ANO2: variants seen among roughly 807,000 people sequenced by gnomAD.
ANO2 encodes anoctamin-2.
A neutral mutation model predicts 124.2 loss-of-function variants in ANO2; 101 were observed. The observed-to-expected ratio is 0.81, with a 90% CI of 0.69 to 0.96. The LOEUF is 0.96. Among genes scored for constraint, ANO2 ranks in the 40% least tolerant of loss-of-function variants. The probability of loss-of-function intolerance (pLI) is 0.00; values close to 1 mark genes in which losing one functional copy is unlikely to be tolerated. For missense variants in ANO2, 1,293 were observed against 1,274.5 expected, an observed-to-expected ratio of 1.01 and a Z score of -0.22; for synonymous variants, 486 against 482.5, an observed-to-expected ratio of 1.01 and a Z score of -0.09.
At chr12:5,701,117 G>A (rs1316259271) in intron 14 of ANO2, among the ~76,000 whole-genome samples, 16 of 105,958 alleles carry the variant, frequency 1.5e-4, no homozygotes, top group Non-Finnish European at 2.0e-4. Flanking sequence ...TTTTTGAGAC[G>A]AAGTCTCACT....
Position 5,697,901 on chromosome 12 carries a change from C to G in ANO2, c.1545+34619G>C, listed in dbSNP as rs191003134. On this transcript the variant is annotated intron_variant, in intron 14 of 24. Coordinates refer to ENST00000682330, the MANE Select transcript of ANO2 (RefSeq NM_001364791.2). ...ATTGAACTGCAAGGTGGCAGCAAGG[C>G]TGGGGGAGGGGCCCCCACCATTGCT... Among the ~76,000 whole-genome samples, 228 of 152,320 alleles carry G rather than the reference C, an allele frequency of 1.5e-3. 1 individual carries two copies. The highest frequency in any genetic ancestry group is 3.4e-3 in the Middle Eastern group (1 of 294).
In ANO2 at chr12:5,921,302, T is replaced by C. The variant is rs755436132; in HGVS notation, c.272A>G (p.His91Arg). ...GACCTTCCTCTGACTGTCATGGAAG[T>C]GCATGCGGCTAAGACGGGCCTCCAA... ...VSLEARLSRMHFHDSQRKVDY... is the reference protein window; with the variant it reads ...VSLEARLSRMRFHDSQRKVDY... Residue 91 changes from histidine to arginine, a missense_variant, in exon 3 of 25, where the codon CAC (histidine) becomes CGC (arginine). Physicochemically the swap from His to Arg is conservative, Grantham distance 29. Coordinates refer to ENST00000682330, the MANE Select transcript of ANO2 (RefSeq NM_001364791.2). 3 of 1,613,880 alleles carry C rather than the reference T, an allele frequency of 1.9e-6. No individual in the cohort carries two copies. The highest frequency in any genetic ancestry group is 2.5e-6 in the Non-Finnish European group (3 of 1,179,868).
chr12:5,926,598 C>T (rs1376572949), intron 1 of ANO2, among the ~76,000 whole-genome samples: 1 of 152,198 alleles, frequency 6.6e-6, no homozygotes, highest in African/African-American at 2.4e-5. Context: ...CACTCTTCAT[C>T]TAGTTGTGGG....
chr12:5,815,970 T>C (rs1176443714), intron 7 of ANO2, among the ~76,000 whole-genome samples: 2 of 152,118 alleles, frequency 1.3e-5, no homozygotes, highest in Admixed American at 6.6e-5. Flanking sequence ...TTCCAAGTTA[T>C]TACTATCTTT....
intron 16 of ANO2, among the ~76,000 whole-genome samples, chr12:5,629,482 T>C (rs1453366260): frequency 1.3e-5 from 2 of 152,208 alleles, no homozygotes; most frequent in Non-Finnish European, 1.5e-5. Flanking sequence ...GAAGCACACC[T>C]TGCACCAGTC....
chr12:5,827,920 G>A (rs1178924479), intron 6 of ANO2, 100 bp from the exon 7 acceptor site: 1 of 1,336,240 alleles, frequency 7.5e-7, no homozygotes, highest in Non-Finnish European at 1.0e-6. Flanking sequence ...GAGGCGCCCG[G>A]GCTCATTTGG....
intron 11 of ANO2, among the ~76,000 whole-genome samples, chr12:5,750,334 GT>G (rs1314068020): frequency 6.6e-6 from 1 of 152,146 alleles, no homozygotes. Flanking sequence ...CCTCCCTGCA[GT>G]TTCTGACTTC....
At chr12:5,849,992 CT>C (rs1954823674) in intron 4 of ANO2, among the ~76,000 whole-genome samples, 2 of 152,182 alleles carry the variant, frequency 1.3e-5, no homozygotes, top group Non-Finnish European at 2.9e-5. Flanking sequence ...ACCCCCACCC[CT>C]GGGATCAGAG....
At chr12:5,815,896 G>A (rs1304892666) in intron 7 of ANO2, among the ~76,000 whole-genome samples, 3 of 151,900 alleles carry the variant, frequency 2.0e-5, no homozygotes, top group Non-Finnish European at 4.4e-5. Context: ...TGTAAAAGTA[G>A]GCATTCAATA....
At position 5,578,491 on chromosome 12, in the gene ANO2, A is replaced by T; in HGVS notation, c.2261T>A (p.Phe754Tyr). The T allele has an allele frequency of 1.2e-6, 2 of 1,613,832 alleles. No individual in the cohort carries two copies. Among genetic ancestry groups the T allele is most frequent in the Non-Finnish European group, 1.7e-6 (2 of 1,179,822 alleles). Residue 754 changes from phenylalanine (F) to tyrosine (Y), a missense_variant, in exon 21 of 25, where the codon TTC becomes TAC. Transcript: ENST00000682330. ...MIIQFGFVTL[F>Y]VASFPLAPVF... is the part of the protein sequence containing the mutation. ...AGGTGCCAGGGGAAAGGAGGCCACGAAGAGGGTGACAAAACCAAACTGGAT... is the reference window on the plus strand; with the variant it reads ...AGGTGCCAGGGGAAAGGAGGCCACGTAGAGGGTGACAAAACCAAACTGGAT...
At chr12:5,633,074 C>T (rs551077589) in intron 16 of ANO2, among the ~76,000 whole-genome samples, 11 of 152,320 alleles carry the variant, frequency 7.2e-5, no homozygotes, top group East Asian at 1.9e-4. Flanking sequence ...TTCCTCCATG[C>T]GGTGGGAGTG....
At chr12:5,885,019 C>A (rs916402663) in intron 3 of ANO2, among the ~76,000 whole-genome samples, 6 of 152,228 alleles carry the variant, frequency 3.9e-5, no homozygotes, top group African/African-American at 1.4e-4. Context: ...TATTTCATCT[C>A]CCTGTGGTCC....
chr12:5,921,469 G>C, intron 2 of ANO2, 103 bp from the exon 3 acceptor site: 2 of 1,210,394 alleles, frequency 1.7e-6, no homozygotes, highest in South Asian at 1.5e-5. Flanking sequence ...GGACTCAGAA[G>C]CAAGCCTCTC....
chr12:5,714,838 A>G (rs1949957597), intron 14 of ANO2, among the ~76,000 whole-genome samples: 1 of 152,228 alleles, frequency 6.6e-6, no homozygotes, highest in Non-Finnish European at 1.5e-5. Context: ...GAAAGCAGGT[A>G]AGGAAAAGCA....
At position 5,756,732 on chromosome 12, in the gene ANO2, C is replaced by T. The variant is rs574258191; in HGVS notation, c.1056-5762G>A. 2.9e-4 allele frequency among the ~76,000 whole-genome samples: 44 copies of T among 149,284 alleles called. 1 individual carries two copies. The highest frequency in any genetic ancestry group is 6.0e-4 in the Admixed American group (9 of 15,006). ...GGTCCACTAGAGGACTGGGCTGCTG[C>T]GCCACAGACAGAGATTCTGTTGAGA... is the stretch of plus-strand genomic sequence containing the variant. On this transcript the variant is annotated intron_variant, in intron 10 of 24. Coordinates refer to ENST00000682330, the MANE Select transcript of ANO2 (RefSeq NM_001364791.2).
At chr12:5,601,528 G>A (rs950891328) in intron 19 of ANO2, among the ~76,000 whole-genome samples, 1 of 152,054 alleles carries the variant, frequency 6.6e-6, no homozygotes, top group African/African-American at 2.4e-5. Context: ...AGAACAGAAG[G>A]AGAAGATGCA....
chr12:5,574,960 A>T (rs1208124713), intron 23 of ANO2, among the ~76,000 whole-genome samples: 3 of 151,876 alleles, frequency 2.0e-5, no homozygotes, highest in Non-Finnish European at 4.4e-5. Flanking sequence ...TCCTTTATTA[A>T]TCCCTTTACT....
At chr12:5,778,276 A>C (rs547233654) in intron 10 of ANO2, among the ~76,000 whole-genome samples, 1 of 152,352 alleles carries the variant, frequency 6.6e-6, no homozygotes, top group South Asian at 2.1e-4. Context: ...AAAACAGAGA[A>C]GTTAAATGAG....
chr12:5,733,006 C>G (rs950777148), intron 13 of ANO2: 21 of 1,058,870 alleles, frequency 2.0e-5, no homozygotes, highest in Non-Finnish European at 2.7e-5. Flanking sequence ...ATCCCACCAA[C>G]TATCGTCAGA....
Sources: gnomAD v4.1 joint callset for allele counts (sites outside exome capture counted in the v4.1 genomes callset) on GRCh38, gnomAD v4.1.1 for gene constraint, MANE v1.5 for transcripts, NCBI Gene and HGNC (gene_info 2026-07-23, HGNC 2026-07-21) for gene names.